EVA1C: variants seen among roughly 807,000 people sequenced by gnomAD.
EVA1C encodes protein eva-1 homolog C.
EVA1C carries 25 observed loss-of-function variants against 45.4 expected under a neutral mutation model. That is an observed-to-expected ratio of 0.55 (90% CI 0.40 to 0.77). EVA1C has a LOEUF of 0.77. EVA1C is among the 30% of genes least tolerant of loss of function. The pLI, the probability that EVA1C is intolerant of heterozygous loss-of-function variation, is 0.00. For synonymous variants in EVA1C, 190 were observed against 221.2 expected, an observed-to-expected ratio of 0.86 and a Z score of 1.25; for missense variants, 479 against 554.8, an observed-to-expected ratio of 0.86 and a Z score of 1.37.
intron 7 of EVA1C, among the ~76,000 whole-genome samples, chr21:32,512,648 C>T (rs1476220526): frequency 6.6e-6 from 1 of 152,106 alleles, no homozygotes; most frequent in Non-Finnish European, 1.5e-5. Context: ...CAGATCTGTC[C>T]CTGGCCTGAC....
chr21:32,515,379 G>A lies in EVA1C; in HGVS notation c.*189G>A, dbSNP rs1476988904. On this transcript the variant is annotated 3_prime_UTR_variant, in exon 8 of 8. Coordinates refer to ENST00000300255, the MANE Select transcript of EVA1C (RefSeq NM_058187.5). Reference sequence around the variant, plus strand: ...AGCACATTCCAAAATAAATGAGGAGGGAAGAGTCTTTGTTTTCTGTATTTC... The same window carrying A: ...AGCACATTCCAAAATAAATGAGGAGAGAAGAGTCTTTGTTTTCTGTATTTC... 3 of 473,996 alleles carry A rather than the reference G, an allele frequency of 6.3e-6. No homozygotes were observed. The highest frequency in any genetic ancestry group is 7.2e-6 in the Non-Finnish European group (2 of 276,676). 29.4% of individuals were successfully genotyped at this position (473,996 alleles called of 1,614,324 possible).
At chr21:32,501,002 G>A (rs1415942936) in intron 5 of EVA1C, among the ~76,000 whole-genome samples, 2 of 149,936 alleles carry the variant, frequency 1.3e-5, no homozygotes, top group Non-Finnish European at 2.9e-5. Context: ...CAGTACAGAC[G>A]GGGTTTCATC....
At chr21:32,457,858 C>T in intron 3 of EVA1C, 138 bp downstream of exon 3, 1 of 945,254 alleles carries the variant, frequency 1.1e-6, no homozygotes, top group Non-Finnish European at 1.6e-6. Context: ...CCATCCTACC[C>T]AGTTTTTTAG....
At chr21:32,478,414 T>C (rs906735473) in intron 4 of EVA1C, among the ~76,000 whole-genome samples, 1 of 151,880 alleles carries the variant, frequency 6.6e-6, no homozygotes, top group Non-Finnish European at 1.5e-5. Flanking sequence ...AAAGACGGGG[T>C]TTCACCATGT....
intron 1 of EVA1C, among the ~76,000 whole-genome samples, chr21:32,440,150 G>A (rs2035121087): frequency 6.6e-6 from 1 of 152,008 alleles, no homozygotes; most frequent in South Asian, 2.1e-4. Flanking sequence ...TTGTATGTGA[G>A]GGCAGAACCA....
chr21:32,497,255 T>A (rs1601422337), intron 5 of EVA1C: 1 of 767,604 alleles, frequency 1.3e-6, no homozygotes, highest in East Asian at 2.7e-5. Flanking sequence ...TTTAGAAGCT[T>A]GTGAACACAT....
At position 32,413,152 on chromosome 21, in the gene EVA1C, G is replaced by A. The variant is rs2033897313; in HGVS notation, c.160+139G>A. On this transcript the variant is annotated intron_variant, in intron 1 of 7. Coordinates refer to ENST00000300255, the MANE Select transcript of EVA1C (RefSeq NM_058187.5). ...GTGCTCACAGACACTTGTCTGGTGT[G>A]AGCCCTTGGCATATAGATGGCTGCG... 4.2e-6 allele frequency: 3 copies of A among 707,696 alleles called. No individual in the cohort carries two copies. In the South Asian group the frequency reaches 1.4e-4, roughly 34 times the overall value. 43.8% of individuals were successfully genotyped at this position (707,696 alleles called of 1,614,324 possible). A position where few individuals can be genotyped will look rare whatever the true frequency, so the allele number is the denominator to read the frequency against.
chr21:32,487,517 C>A (rs1367751194), intron 4 of EVA1C, among the ~76,000 whole-genome samples: 1 of 152,072 alleles, frequency 6.6e-6, no homozygotes, highest in Non-Finnish European at 1.5e-5. Flanking sequence ...GTCAGAAGTT[C>A]AAGACCAGCC....
intron 4 of EVA1C, among the ~76,000 whole-genome samples, chr21:32,480,761 G>A (rs958641577): frequency 1.1e-4 from 16 of 152,142 alleles, no homozygotes; most frequent in Middle Eastern, 3.2e-3. Flanking sequence ...TCAGGAGTTT[G>A]AGACCAGCCT....
rs370298715 is a variant in EVA1C, at chr21:32,468,024, G to GTA, written c.634+187_634+188dup. ...AATAAACTCCCGTGTGTGTGTGTAT[G>GTA]TATATATATATAAATGCTTGTAAAC... On this transcript the variant is annotated intron_variant, in intron 4 of 7. Coordinates refer to ENST00000300255, the MANE Select transcript of EVA1C (RefSeq NM_058187.5). The GTA allele has an allele frequency of 4.8e-3, 1,506 of 314,668 alleles. 2 individuals are homozygous for GTA. Among genetic ancestry groups the GTA allele is most frequent in the Non-Finnish European group, 6.6e-3 (1,205 of 182,756 alleles). 19.5% of individuals were successfully genotyped at this position (314,668 alleles called of 1,614,324 possible). A position where few individuals can be genotyped will look rare whatever the true frequency, so the allele number is the denominator to read the frequency against.
intron 5 of EVA1C, chr21:32,497,302 A>T: frequency 1.5e-6 from 1 of 672,150 alleles, no homozygotes; most frequent in Non-Finnish European, 2.7e-6. Context: ...CCAGATTGGC[A>T]GAAAGTTGAT....
At chr21:32,465,720 A>G (rs1433803264) in intron 3 of EVA1C, among the ~76,000 whole-genome samples, 1 of 151,604 alleles carries the variant, frequency 6.6e-6, no homozygotes, top group African/African-American at 2.4e-5. Context: ...CTGGTCTCAA[A>G]CTCCTGACCT....
chr21:32,412,534 G>C (rs1194642378), upstream of EVA1C: 19 of 260,986 alleles, frequency 7.3e-5, no homozygotes, highest in Admixed American at 3.3e-4. Context: ...GGGCAGCCGC[G>C]GGGCGCGCGA....
At chr21:32,499,736 A>G (rs1482684646) in intron 5 of EVA1C, among the ~76,000 whole-genome samples, 8 of 152,350 alleles carry the variant, frequency 5.3e-5, no homozygotes, top group Non-Finnish European at 8.8e-5. Context: ...GCTGAGGAAC[A>G]AACAAAAATA....
At position 32,496,879 on chromosome 21, in the gene EVA1C, G is replaced by A. The variant is rs564357350; in HGVS notation, c.778+1709G>A. On this transcript the variant is annotated intron_variant, in intron 5 of 7. Transcript: ENST00000300255. ...AGCTAAATCTGGAGATATATTCAGA[G>A]TTGATGTTGGAGGGAGTGAGCCAGT... 8 of 1,058,114 alleles carry A rather than the reference G, an allele frequency of 7.6e-6. No individual in the cohort carries two copies. The African/African-American group carries it at 1.2e-4, about 16-fold the overall frequency. The allele number at this position is 1,058,114 out of a possible 1,614,324, so 65.5% of individuals were successfully genotyped here. A position where few individuals can be genotyped will look rare whatever the true frequency, so the allele number is the denominator to read the frequency against.
intron 2 of EVA1C, among the ~76,000 whole-genome samples, chr21:32,455,840 C>T (rs1429265041): frequency 1.3e-5 from 2 of 152,082 alleles, no homozygotes; most frequent in Non-Finnish European, 2.9e-5. Context: ...CAGAAACATC[C>T]CCATGCGCTA....
chr21:32,426,082 G>T (rs903988554), intron 1 of EVA1C, among the ~76,000 whole-genome samples: 1 of 152,066 alleles, frequency 6.6e-6, no homozygotes, highest in African/African-American at 2.4e-5. Context: ...TAAAGCCAAA[G>T]AAATGAAAAT....
rs1332239039 is a variant in EVA1C, at chr21:32,438,211, C to A, written c.161-15101C>A. ...CCTCTTTCCATTACATTTAAGAGAA[C>A]CCTGGCTGGGCATGGTGGCTTACAC... On this transcript the variant is annotated intron_variant, in intron 1 of 7. Transcript: ENST00000300255. Among the ~76,000 whole-genome samples the A allele has an allele frequency of 7.2e-5, 11 of 152,236 alleles. No homozygotes were observed. The South Asian group carries it at 2.1e-3, about 29-fold the overall frequency.
At chr21:32,499,574 T>A (rs2037463541) in intron 5 of EVA1C, among the ~76,000 whole-genome samples, 1 of 152,162 alleles carries the variant, frequency 6.6e-6, no homozygotes, top group African/African-American at 2.4e-5. Context: ...CCCAGAAGAA[T>A]TTAGTTAAGC....
Sources: allele counts gnomAD v4.1 joint callset (sites outside exome capture counted in the v4.1 genomes callset), GRCh38; gene constraint gnomAD v4.1.1; transcripts MANE v1.5; gene names NCBI Gene and HGNC (gene_info 2026-07-23, HGNC 2026-07-21).